PCDHA4: variants seen among roughly 807,000 people sequenced by gnomAD.
PCDHA4 encodes the protein protocadherin alpha 4.
PCDHA4 carries 49 observed loss-of-function variants against 61.4 expected under a neutral mutation model. That is an observed-to-expected ratio of 0.80 (90% CI 0.63 to 1.01). The LOEUF is 1.01. Ranked by LOEUF, PCDHA4 falls within the 50% of genes least tolerant of loss-of-function variation. PCDHA4 has a pLI of 0.00. For missense variants in PCDHA4, 1,254 were observed against 1,235.8 expected (o/e 1.01, Z -0.22); for synonymous variants, 590 against 550.3 (o/e 1.07, Z -1.01).
chr5:140,988,847 C>A (rs2097315589), intron 3 of PCDHA4: 1 of 152,186 alleles, frequency 6.6e-6, no homozygotes, highest in African/African-American at 2.4e-5. Context: ...CTCCTGAAAC[C>A]TATCCAGTCT....
chr5:140,896,390 C>A, intron 1 of PCDHA4, among the ~76,000 whole-genome samples: 1 of 152,124 alleles, frequency 6.6e-6, no homozygotes, highest in Non-Finnish European at 1.5e-5. Flanking sequence ...ACCTCACCAG[C>A]ATCTGTTATT....
intron 3 of PCDHA4, among the ~76,000 whole-genome samples, chr5:141,001,011 A>G (rs912284389): frequency 3.9e-5 from 6 of 152,206 alleles, no homozygotes; most frequent in African/African-American, 1.4e-4. Context: ...ATGTATTTAG[A>G]TATACACTTA....
chr5:140,959,116 G>A (rs2095468018), intron 1 of PCDHA4, among the ~76,000 whole-genome samples: 1 of 152,002 alleles, frequency 6.6e-6, no homozygotes, highest in South Asian at 2.1e-4. Context: ...TCCGAAGGTG[G>A]GCGAGGTGAG....
chr5:140,869,562 A>T (rs373044645), intron 1 of PCDHA4: 50 of 1,614,050 alleles, frequency 3.1e-5, no homozygotes, highest in Non-Finnish European at 3.5e-5. Context: ...CGCGTTTTCC[A>T]CTAGAGGGAG....
At chr5:140,820,300 A>G (rs2150106496) in intron 1 of PCDHA4, among the ~76,000 whole-genome samples, 151,637 of 152,098 alleles carry the variant, frequency 1, 75,590 homozygotes, top group East Asian at 1. Context: ...AAACAATTCT[A>G]TGACAATATC....
intron 1 of PCDHA4, chr5:140,830,416 C>A: frequency 1.9e-6 from 3 of 1,614,014 alleles, no homozygotes; most frequent in Non-Finnish European, 1.7e-6. Flanking sequence ...TTAGCCCCAG[C>A]CTTTCACCTT....
intron 1 of PCDHA4, chr5:140,927,238 G>A (rs782670286): frequency 1.2e-6 from 2 of 1,614,122 alleles, no homozygotes; most frequent in Non-Finnish European, 1.7e-6. Flanking sequence ...TCACGTCCTG[G>A]ACACCAATGA....
chr5:140,883,822 C>T, intron 1 of PCDHA4: 2 of 1,612,484 alleles, frequency 1.2e-6, no homozygotes, highest in Non-Finnish European at 1.7e-6. Flanking sequence ...GCAAGGTGTA[C>T]GCGCTGCAGC....
intron 1 of PCDHA4, chr5:140,834,672 G>C (rs2150223944): frequency 8.1e-6 from 13 of 1,614,118 alleles, no homozygotes; most frequent in Middle Eastern, 1.6e-4. Context: ...GGAGCTGTGC[G>C]GGCGGAGCGC....
chr5:140,969,311 G>A (rs2096317598), intron 1 of PCDHA4: 2 of 1,614,050 alleles, frequency 1.2e-6, no homozygotes, highest in Non-Finnish European at 1.7e-6. Context: ...TCTCAAAAAT[G>A]AGGCTGTTTC....
intron 1 of PCDHA4, chr5:140,929,943 A>C (rs996777609): frequency 1.3e-5 from 2 of 152,224 alleles, no homozygotes; most frequent in African/African-American, 4.8e-5. Flanking sequence ...TCTCTAGCCT[A>C]TACTTTTAAT....
rs2150483101 is a variant in PCDHA4, at chr5:140,850,412, A to T, written c.2385+40840A>T. 3.6e-5 allele frequency: 57 copies of T among 1,597,620 alleles called. No homozygotes were observed. The South Asian group carries it at 6.3e-4, about 18-fold the overall frequency. On this transcript the variant is annotated intron_variant, in intron 1 of 3. Transcript: ENST00000530339. ...TCAGCACAACGCGTGCCCTGGACGA[A>T]ACGGACGCACCGCGCCAGCGCCTAC...
chr5:141,000,618 G>A (rs1354281260), intron 3 of PCDHA4, among the ~76,000 whole-genome samples: 1 of 150,858 alleles, frequency 6.6e-6, no homozygotes, highest in Non-Finnish European at 1.5e-5. Flanking sequence ...AGTAGAGACA[G>A]GGTTTCACCA....
intron 1 of PCDHA4, chr5:140,928,071 C>CTACTACAGCCTGCTG: frequency 6.2e-7 from 1 of 1,614,220 alleles, no homozygotes; most frequent in South Asian, 1.1e-5. Context: ...CCTTTGACAA[C>CTACTACAGCCTGCTG]TACTACAGCC....
chr5:140,841,970 G>C, intron 1 of PCDHA4: 6 of 1,613,902 alleles, frequency 3.7e-6, no homozygotes, highest in Non-Finnish European at 5.1e-6. Context: ...AGCCACAGAT[G>C]GGGGCAAACC....
At chr5:140,873,861 A>AT (rs1198117759) in intron 1 of PCDHA4, among the ~76,000 whole-genome samples, 1 of 152,162 alleles carries the variant, frequency 6.6e-6, no homozygotes, top group Non-Finnish European at 1.5e-5. Context: ...GGTTTTCACC[A>AT]TGTTGGCCAG....
intron 1 of PCDHA4, chr5:140,843,236 G>A (rs1778700503): frequency 6.3e-7 from 1 of 1,595,846 alleles, no homozygotes; most frequent in Non-Finnish European, 8.6e-7. Flanking sequence ...TGTCCTGGAC[G>A]AAGCGGACTC....
At chr5:141,000,412 TATATATA>T (rs1563651366) in intron 3 of PCDHA4, among the ~76,000 whole-genome samples, 7 of 102,770 alleles carry the variant, frequency 6.8e-5, no homozygotes, top group African/African-American at 2.7e-4. Context: ...TATATATATA[TATATATA>T]TATTTTTTTT....
chr5:140,896,750 A>G (rs781993760), intron 1 of PCDHA4, among the ~76,000 whole-genome samples: 3 of 152,114 alleles, frequency 2.0e-5, no homozygotes, highest in Non-Finnish European at 4.4e-5. Flanking sequence ...GATTCTGGAT[A>G]TTAGACCTTT....
Sources: allele counts gnomAD v4.1 joint callset (sites outside exome capture counted in the v4.1 genomes callset), GRCh38; gene constraint gnomAD v4.1.1; transcripts MANE v1.5; gene names NCBI Gene and HGNC (gene_info 2026-07-23, HGNC 2026-07-21).